Variants in TSC22D1 observed in about 807,000 individuals in gnomAD.
TSC22D1 encodes the protein TSC22 domain family member 1, also known as TSC22 domain family protein 1.
A neutral mutation model predicts 74.2 loss-of-function variants in TSC22D1; 9 were observed. The observed-to-expected ratio is 0.12, with a 90% CI of 0.07 to 0.21. The LOEUF is 0.21. TSC22D1 is among the 10% of genes least tolerant of loss of function. The pLI is 1.00. For missense variants in TSC22D1, 1,427 were observed against 1,304.7 expected (o/e 1.09, Z -1.44); for synonymous variants, 586 against 492.5 (o/e 1.19, Z -2.51).
At chr13:44,497,497 A>G (rs1879028934) in intron 1 of TSC22D1, among the ~76,000 whole-genome samples, 2 of 152,210 alleles carry the variant, frequency 1.3e-5, no homozygotes, top group Admixed American at 6.5e-5. Flanking sequence ...CTATTGAATT[A>G]TATAGTTCAA....
At chr13:44,572,767 G>A (rs1883856480) in intron 1 of TSC22D1, among the ~76,000 whole-genome samples, 1 of 152,186 alleles carries the variant, frequency 6.6e-6, no homozygotes, top group Admixed American at 6.5e-5. Flanking sequence ...TCTAGTAAAG[G>A]AGAACAAACG....
At chr13:44,569,635 A>G (rs1479501558) in intron 1 of TSC22D1, among the ~76,000 whole-genome samples, 1 of 152,226 alleles carries the variant, frequency 6.6e-6, no homozygotes. Context: ...CATGCGTCTT[A>G]AATATTTGAG....
Position 44,575,386 on chromosome 13 carries a change from T to C in TSC22D1, c.689A>G (p.His230Arg). The C allele has an allele frequency of 1.9e-6, 3 of 1,613,982 alleles. No homozygotes were observed. Among genetic ancestry groups the C allele is most frequent in the Non-Finnish European group, 2.5e-6 (3 of 1,179,944 alleles). The change falls in exon 1 of 3, where the codon CAC becomes CGC. Residue 230 changes from histidine (H) to arginine (R), a missense_variant. Physicochemically the swap from His to Arg is conservative, Grantham distance 29 (BLOSUM62 0). Transcript: ENST00000458659. The stretch of plus-strand genomic sequence containing the variant: ...ATGGTGGTGACCATGTTGGAGGTGG[T>C]GCCCATGATGAATCTGATGGTGGTG... ...LHHHHQIHHG[H>R]HLQHGHHHPS...
intron 1 of TSC22D1, among the ~76,000 whole-genome samples, chr13:44,533,990 G>T (rs938631622): frequency 6.6e-6 from 1 of 152,050 alleles, no homozygotes; most frequent in Non-Finnish European, 1.5e-5. Flanking sequence ...GCCCATGCCC[G>T]TAATCTCAAC....
At chr13:44,560,312 A>C (rs1882954347) in intron 1 of TSC22D1, among the ~76,000 whole-genome samples, 2 of 149,562 alleles carry the variant, frequency 1.3e-5, no homozygotes, top group Admixed American at 1.3e-4. Context: ...CAAAGAGAAA[A>C]ATTGGGGGGG....
At chr13:44,436,870 G>C (rs1595075173) in intron 1 of TSC22D1, 2 of 1,212,654 alleles carry the variant, frequency 1.6e-6, no homozygotes, top group Non-Finnish European at 2.1e-6. Flanking sequence ...AGGACTCCCA[G>C]TCTTAGTGCA....
rs949160829 is a variant in TSC22D1 at position 44,497,672 on chromosome 13, G to A, written c.2913-61577C>T. Among the ~76,000 whole-genome samples the A allele has an allele frequency of 3.3e-5, 5 of 152,184 alleles. No homozygotes were observed. The East Asian group carries it at 7.7e-4, about 23-fold the overall frequency. ...TACACCCCACCTGTCACTGAGCTAA[G>A]GCAGATTCTACTTCCACTTTAGAAG... is the stretch of plus-strand genomic sequence containing the variant. On this transcript the variant is annotated intron_variant, in intron 1 of 2. Transcript: ENST00000458659.
Position 44,575,130 on chromosome 13 carries a change from A to T in TSC22D1, c.945T>A (p.Asn315Lys). 1.9e-6 allele frequency: 3 copies of T among 1,614,150 alleles called. No individual in the cohort carries two copies. Among genetic ancestry groups the T allele is most frequent in the Non-Finnish European group, 2.5e-6 (3 of 1,179,986 alleles). Residue 315 changes from asparagine (N) to lysine (K), a missense_variant, in exon 1 of 3, where the codon AAT becomes AAA. Physicochemically the swap from Asn to Lys is moderately conservative, Grantham distance 94. Transcript: ENST00000458659. Reference protein sequence around the residue: ...NSVTGTSTVNNVNITAVGSFN... With the variant: ...NSVTGTSTVNKVNITAVGSFN... ...AACTACCCACAGCAGTAATGTTAAC[A>T]TTATTTACTGTACTAGTGCCAGTAA...
intron 1 of TSC22D1, among the ~76,000 whole-genome samples, chr13:44,449,022 A>ATCT (rs1427286805): frequency 1.6e-4 from 25 of 152,216 alleles, no homozygotes; most frequent in African/African-American, 6.0e-4. Flanking sequence ...TTACAGATTA[A>ATCT]GAAACAAGCT....
chr13:44,575,933 C>G lies in TSC22D1; in HGVS notation c.142G>C (p.Val48Leu). Residue 48 changes from valine (V) to leucine (L), a missense_variant, in exon 1 of 3, where the codon GTC becomes CTC. Val to Leu is a conservative substitution (Grantham distance 32). Coordinates refer to ENST00000458659, the MANE Select transcript of TSC22D1 (RefSeq NM_183422.4). ...TCGGAAGATGTGGCATTACTACCGACGCCGGTACCTGCTGCATTGAGAGCA... is the reference window on the plus strand; with the variant it reads ...TCGGAAGATGTGGCATTACTACCGAGGCCGGTACCTGCTGCATTGAGAGCA... ...ASALNAAGTG[V>L]GSNATSSEDF... 6.2e-7 allele frequency: 1 copy of G among 1,612,748 alleles called. No homozygotes were observed. The highest frequency in any genetic ancestry group is 8.5e-7 in the Non-Finnish European group (1 of 1,179,528).
chr13:44,454,359 T>C (rs1284899379), intron 1 of TSC22D1, among the ~76,000 whole-genome samples: 1 of 152,190 alleles, frequency 6.6e-6, no homozygotes, highest in Non-Finnish European at 1.5e-5. Flanking sequence ...TAATGAAGTA[T>C]TTACATTATG....
chr13:44,498,234 G>T (rs771755492), intron 1 of TSC22D1, among the ~76,000 whole-genome samples: 2 of 152,074 alleles, frequency 1.3e-5, no homozygotes, highest in Non-Finnish European at 2.9e-5. Flanking sequence ...GGAGGTTGAG[G>T]CTACAATGAG....
chr13:44,550,713 T>A, intron 1 of TSC22D1, among the ~76,000 whole-genome samples: 1 of 151,876 alleles, frequency 6.6e-6, no homozygotes, highest in Non-Finnish European at 1.5e-5. Flanking sequence ...AGAAGAAAAG[T>A]TTATTTCCCT....
rs1357484472 is a variant in TSC22D1 at position 44,480,159 on chromosome 13, C to G, written c.2913-44064G>C. Among the ~76,000 whole-genome samples the G allele has an allele frequency of 2.0e-5, 3 of 152,044 alleles. No individual in the cohort carries two copies. The East Asian group carries it at 5.8e-4, about 29-fold the overall frequency. On this transcript the variant is annotated intron_variant, in intron 1 of 2. Coordinates refer to ENST00000458659, the MANE Select transcript of TSC22D1 (RefSeq NM_183422.4). ...AGTTCCAAAATGTTATCAACAGCAC[C>G]TGAAAAAACTTTCCTTTAAATTGAG...
chr13:44,483,959 AG>A (rs896657576), intron 1 of TSC22D1, among the ~76,000 whole-genome samples: 2 of 152,224 alleles, frequency 1.3e-5, no homozygotes, highest in African/African-American at 4.8e-5. Flanking sequence ...GAATGCAACC[AG>A]GGCTCTTAAA....
chr13:44,555,927 G>C (rs1882608167), intron 1 of TSC22D1, among the ~76,000 whole-genome samples: 1 of 152,108 alleles, frequency 6.6e-6, no homozygotes, highest in South Asian at 2.1e-4. Context: ...GCTGTCAAGA[G>C]CATACTAAAT....
intron 1 of TSC22D1, chr13:44,538,814 A>G: frequency 1.0e-6 from 1 of 985,422 alleles, no homozygotes; most frequent in South Asian, 4.7e-5. Flanking sequence ...TGTGTGACAG[A>G]TATCATCCAT....
chr13:44,534,069 C>T (rs1881001806), intron 1 of TSC22D1, among the ~76,000 whole-genome samples: 2 of 151,744 alleles, frequency 1.3e-5, no homozygotes. Flanking sequence ...TCTGCAAAAA[C>T]ATACAAAAAT....
chr13:44,505,425 G>C (rs561293140), intron 1 of TSC22D1, among the ~76,000 whole-genome samples: 1 of 152,108 alleles, frequency 6.6e-6, no homozygotes, highest in African/African-American at 2.4e-5. Context: ...GTGGTGGTGC[G>C]TGTCTATGAT....
Sources: gnomAD v4.1 joint callset for allele counts (sites outside exome capture counted in the v4.1 genomes callset) on GRCh38, gnomAD v4.1.1 for gene constraint, MANE v1.5 for transcripts, NCBI Gene and HGNC (gene_info 2026-07-23, HGNC 2026-07-21) for gene names.